GNAL: variants seen among roughly 807,000 people sequenced by gnomAD.
GNAL encodes the protein G protein subunit alpha L.
In GNAL, 18 loss-of-function variants were observed where a neutral mutation model predicts 55.1. The observed-to-expected ratio is 0.33, with a 90% CI of 0.23 to 0.48. The LOEUF is 0.48. GNAL is among the 20% of genes least tolerant of loss of function. GNAL has a pLI of 0.99. For synonymous variants in GNAL, 253 were observed against 237.0 expected (o/e 1.07, Z -0.62); for missense variants, 412 against 614.1 (o/e 0.67, Z 3.48).
chr18:11,814,322 C>T (rs1007979935), intron 4 of GNAL, among the ~76,000 whole-genome samples: 3 of 152,042 alleles, frequency 2.0e-5, no homozygotes, highest in Admixed American at 1.3e-4. Context: ...AACAGGAGTT[C>T]GAGACCAGTC....
intron 1 of GNAL, among the ~76,000 whole-genome samples, chr18:11,718,503 A>G (rs1192538339): frequency 6.6e-6 from 1 of 152,230 alleles, no homozygotes; most frequent in Non-Finnish European, 1.5e-5. Context: ...TAAGTTATTT[A>G]AATGGAATAA....
At chr18:11,831,819 T>C (rs1373952878) in intron 5 of GNAL, among the ~76,000 whole-genome samples, 1 of 152,206 alleles carries the variant, frequency 6.6e-6, no homozygotes, top group Admixed American at 6.5e-5. Context: ...ACCCAGTCGG[T>C]GGCCATTTGT....
chr18:11,712,230 G>A (rs1301622011), intron 1 of GNAL, among the ~76,000 whole-genome samples: 1 of 152,088 alleles, frequency 6.6e-6, no homozygotes, highest in Non-Finnish European at 1.5e-5. Context: ...GGTCCCTTGG[G>A]CAACACATAA....
chr18:11,728,493 G>A (rs185301565), intron 1 of GNAL, among the ~76,000 whole-genome samples: 1 of 152,138 alleles, frequency 6.6e-6, no homozygotes, highest in South Asian at 2.1e-4. Context: ...CCTTCATCAA[G>A]TCTCAGCAGC....
intron 5 of GNAL, among the ~76,000 whole-genome samples, chr18:11,830,705 C>T (rs904838381): frequency 2.0e-5 from 3 of 152,096 alleles, no homozygotes; most frequent in African/African-American, 7.2e-5. Flanking sequence ...GTCATCATAA[C>T]TAAAAGGTGA....
rs1333612094 is a variant in GNAL, at chr18:11,868,547, C to T, written c.915C>T (p.Val305=). ...RRKWIQCFND[V]TAIIYVAACS... Reference sequence around the variant, plus strand: ...TTCCTTTTTCTCCCCACCAAGATGTCACAGCTATCATTTACGTCGCAGCCT... The same window carrying T: ...TTCCTTTTTCTCCCCACCAAGATGTTACAGCTATCATTTACGTCGCAGCCT... Residue 305 remains valine (V), a synonymous_variant, in exon 9 of 12, where the codon GTC becomes GTT. Coordinates refer to ENST00000334049, the MANE Select transcript of GNAL (RefSeq NM_182978.4). The surrounding 1 kb of genome is among the most constrained non-coding windows in gnomAD (Gnocchi z 4.0). 1 of 1,609,358 alleles carries T rather than the reference C, an allele frequency of 6.2e-7. No homozygotes were observed. Among genetic ancestry groups the T allele is most frequent in the Non-Finnish European group, 8.5e-7 (1 of 1,177,966 alleles).
chr18:11,826,086 T>G (rs1004684335), intron 5 of GNAL, among the ~76,000 whole-genome samples: 6 of 152,144 alleles, frequency 3.9e-5, no homozygotes, highest in African/African-American at 1.2e-4. Flanking sequence ...GGAGCTGCAT[T>G]GTGAATGTTG....
chr18:11,786,491 C>G (rs2034064660), intron 4 of GNAL, among the ~76,000 whole-genome samples: 1 of 137,020 alleles, frequency 7.3e-6, no homozygotes, highest in Admixed American at 7.6e-5. Context: ...CTCTGTCGCC[C>G]AGGCTGGAGT....
chr18:11,707,494 T>C (rs2031740755), intron 1 of GNAL, among the ~76,000 whole-genome samples: 1 of 152,216 alleles, frequency 6.6e-6, no homozygotes, highest in South Asian at 2.1e-4. Context: ...TAAACAGATG[T>C]ACTGTCATCC....
chr18:11,839,106 A>C (rs1462957440), intron 5 of GNAL, among the ~76,000 whole-genome samples: 2 of 152,220 alleles, frequency 1.3e-5, no homozygotes, highest in Non-Finnish European at 1.5e-5. Context: ...ACTGACATGA[A>C]ATTATTGTGT....
At chr18:11,747,695 A>C (rs528762895) in intron 1 of GNAL, 38 of 152,118 alleles carry the variant, frequency 2.5e-4, no homozygotes, top group African/African-American at 8.9e-4. Flanking sequence ...TGAAAAAAAT[A>C]AAAGTCTTAA....
rs146579094 is a variant in GNAL, at chr18:11,873,516, A to C, written c.1162+1118A>C. On this transcript the variant is annotated intron_variant, in intron 10 of 11. Coordinates refer to ENST00000334049, the MANE Select transcript of GNAL (RefSeq NM_182978.4). ...GAGCACCAGCTCTGCCTGTGGTCTC[A>C]CCAGACCCAGCTGCTTTCATGAGCC... 6.1e-3 allele frequency among the ~76,000 whole-genome samples: 933 copies of C among 152,308 alleles called. 8 individuals are homozygous for C. Among genetic ancestry groups the C allele is most frequent in the African/African-American group, 0.021 (891 of 41,562 alleles).
At chr18:11,875,939 A>C (rs1219573501) in intron 10 of GNAL, among the ~76,000 whole-genome samples, 1 of 151,782 alleles carries the variant, frequency 6.6e-6, no homozygotes, top group Non-Finnish European at 1.5e-5. Flanking sequence ...TTTCCTCCTC[A>C]CATGGTGGAG....
At chr18:11,725,487 C>T (rs1368408837) in intron 1 of GNAL, among the ~76,000 whole-genome samples, 1 of 152,126 alleles carries the variant, frequency 6.6e-6, no homozygotes, top group Non-Finnish European at 1.5e-5. Flanking sequence ...TTTATTATGG[C>T]AGCTCTAGTA....
At chr18:11,817,295 A>AATCCAGGTTT (rs2034980968) in intron 4 of GNAL, among the ~76,000 whole-genome samples, 1 of 152,180 alleles carries the variant, frequency 6.6e-6, no homozygotes, top group Admixed American at 6.5e-5. Flanking sequence ...CATGCTTTTG[A>AATCCAGGTTT]ATCCAGGTTT....
chr18:11,701,617 G>C (rs1166075654), intron 1 of GNAL, among the ~76,000 whole-genome samples: 2 of 150,014 alleles, frequency 1.3e-5, no homozygotes, highest in African/African-American at 4.9e-5. Flanking sequence ...TGCAAACTAT[G>C]AGCAGAAGCA....
At chr18:11,700,382 G>A (rs1567990336) in intron 1 of GNAL, among the ~76,000 whole-genome samples, 1 of 152,188 alleles carries the variant, frequency 6.6e-6, no homozygotes, top group East Asian at 1.9e-4. Context: ...GACGGGAGGG[G>A]CACACACACA....
At chr18:11,737,040 G>T (rs2032477262) in intron 1 of GNAL, among the ~76,000 whole-genome samples, 1 of 152,100 alleles carries the variant, frequency 6.6e-6, no homozygotes, top group Non-Finnish European at 1.5e-5. Context: ...AAGAGCATGT[G>T]GAACATTTTT....
intron 5 of GNAL, among the ~76,000 whole-genome samples, chr18:11,840,097 T>G (rs2035581437): frequency 6.6e-6 from 1 of 152,234 alleles, no homozygotes; most frequent in Admixed American, 6.5e-5. Context: ...ACCTTTGAAC[T>G]ATGGCATTAT....
Sources: allele counts gnomAD v4.1 joint callset (sites outside exome capture counted in the v4.1 genomes callset), GRCh38; gene constraint gnomAD v4.1.1; non-coding constraint Gnocchi (gnomAD v3.1); transcripts MANE v1.5; gene names NCBI Gene and HGNC (gene_info 2026-07-23, HGNC 2026-07-21).